COBL: variants seen among roughly 807,000 people sequenced by gnomAD.
COBL encodes the protein protein cordon-bleu.
A neutral mutation model predicts 98.8 loss-of-function variants in COBL; 51 were observed. The observed-to-expected ratio is 0.52, with a 90% CI of 0.41 to 0.65. COBL has a LOEUF of 0.65. COBL is among the 30% of genes least tolerant of loss of function. COBL has a pLI of 0.00. For missense variants in COBL, 1,617 were observed against 1,617.5 expected, an observed-to-expected ratio of 1.00 and a Z score of 0.01; for synonymous variants, 634 against 651.7, an observed-to-expected ratio of 0.97 and a Z score of 0.41.
rs1372296187 is a variant in COBL at position 51,017,155 on chromosome 7, A to G, written c.*396T>C. ...TTCAAAAGATCTTAAATCAGTAAGTAGTTTCATCCATCTGTATGTGGTAAA... is the reference window on the plus strand; with the variant it reads ...TTCAAAAGATCTTAAATCAGTAAGTGGTTTCATCCATCTGTATGTGGTAAA... On this transcript the variant is annotated 3_prime_UTR_variant, in exon 13 of 13. Transcript: ENST00000265136. The G allele has an allele frequency of 2.3e-6, 1 of 440,110 alleles. No homozygotes were observed. Among genetic ancestry groups the G allele is most frequent in the East Asian group, 3.3e-5 (1 of 29,962 alleles). 27.3% of individuals were successfully genotyped at this position (440,110 alleles called of 1,614,324 possible).
At chr7:51,138,563 A>G (rs1799448490) in intron 5 of COBL, among the ~76,000 whole-genome samples, 1 of 152,208 alleles carries the variant, frequency 6.6e-6, no homozygotes, top group Non-Finnish European at 1.5e-5. Context: ...ATCAGTAGTC[A>G]CTTAGCATAT....
intron 1 of COBL, among the ~76,000 whole-genome samples, chr7:51,260,963 A>G (rs1797660420): frequency 6.6e-6 from 1 of 152,090 alleles, no homozygotes; most frequent in Non-Finnish European, 1.5e-5. Context: ...AGGGCATCTC[A>G]TGAACTTTAT....
At chr7:51,292,059 A>C (rs571568546) in intron 1 of COBL, among the ~76,000 whole-genome samples, 4 of 151,728 alleles carry the variant, frequency 2.6e-5, no homozygotes, top group Admixed American at 2.0e-4. Flanking sequence ...GAGCAGGAGA[A>C]TCTCTTGAAC....
chr7:51,039,587 C>T (rs543863232), intron 8 of COBL, among the ~76,000 whole-genome samples: 11 of 152,392 alleles, frequency 7.2e-5, no homozygotes, highest in African/African-American at 1.7e-4. Context: ...ATTCTCTCTA[C>T]GTTCCCAACC....
intron 1 of COBL, among the ~76,000 whole-genome samples, chr7:51,245,527 G>A (rs999052763): frequency 6.6e-6 from 1 of 152,176 alleles, no homozygotes; most frequent in Non-Finnish European, 1.5e-5. Context: ...TGAAGTGTGA[G>A]CTCAACAGGT....
intron 1 of COBL, among the ~76,000 whole-genome samples, chr7:51,232,623 A>C (rs1051702015): frequency 2.2e-4 from 33 of 152,316 alleles, no homozygotes; most frequent in African/African-American, 6.5e-4. Context: ...CATCCTGGCT[A>C]ACACAGTGAA....
At chr7:51,152,415 C>T (rs1230729535) in intron 5 of COBL, among the ~76,000 whole-genome samples, 2 of 152,208 alleles carry the variant, frequency 1.3e-5, no homozygotes, top group East Asian at 1.9e-4. Context: ...TCCCATCCTC[C>T]TAAGCCTCAT....
At chr7:51,194,365 G>A (rs1386473875) in intron 2 of COBL, among the ~76,000 whole-genome samples, 1 of 152,082 alleles carries the variant, frequency 6.6e-6, no homozygotes, top group Non-Finnish European at 1.5e-5. Flanking sequence ...TACTATTGAT[G>A]GGTCTTTAGG....
chr7:51,184,294 T>TA, intron 4 of COBL, 95 bp from the exon 5 acceptor site: 2 of 683,166 alleles, frequency 2.9e-6, no homozygotes, highest in South Asian at 2.3e-5. Context: ...CCTCTACTCT[T>TA]AAACTTTTAG....
intron 1 of COBL, among the ~76,000 whole-genome samples, chr7:51,307,971 G>C (rs1802647562): frequency 1.3e-5 from 2 of 152,164 alleles, no homozygotes; most frequent in African/African-American, 4.8e-5. Flanking sequence ...CGTAATAAGT[G>C]GTTTAGGCAG....
intron 1 of COBL, among the ~76,000 whole-genome samples, chr7:51,223,055 ACT>A (rs1375782664): frequency 2.0e-5 from 3 of 152,100 alleles, no homozygotes; most frequent in African/African-American, 7.2e-5. Flanking sequence ...TACGGTGTGT[ACT>A]CCACCCTTCC....
At chr7:51,264,545 C>A (rs1798009071) in intron 1 of COBL, among the ~76,000 whole-genome samples, 1 of 151,448 alleles carries the variant, frequency 6.6e-6, no homozygotes, top group African/African-American at 2.4e-5. Flanking sequence ...GTGGTGCACA[C>A]CTGTAATCCC....
chr7:51,025,459 T>C (rs2128867559), intron 11 of COBL, 87 bp from the exon 12 acceptor site: 7 of 1,358,948 alleles, frequency 5.2e-6, no homozygotes, highest in South Asian at 4.0e-5. Context: ...GGTAGTGGCA[T>C]GAGGAGATGA....
chr7:51,232,283 A>T (rs1794822547), intron 1 of COBL, among the ~76,000 whole-genome samples: 2 of 152,116 alleles, frequency 1.3e-5, no homozygotes, highest in Non-Finnish European at 2.9e-5. Flanking sequence ...AAAACAATAA[A>T]AAAGGAAAAG....
intron 5 of COBL, among the ~76,000 whole-genome samples, chr7:51,142,516 T>C (rs1464808894): frequency 6.6e-6 from 1 of 151,118 alleles, no homozygotes; most frequent in Non-Finnish European, 1.5e-5. Flanking sequence ...CCTGAGTAAC[T>C]GGGATTACAG....
At chr7:51,157,003 C>T (rs1243429314) in intron 5 of COBL, among the ~76,000 whole-genome samples, 1 of 152,188 alleles carries the variant, frequency 6.6e-6, no homozygotes, top group African/African-American at 2.4e-5. Flanking sequence ...TCTGACTCTA[C>T]CTCCTCGCCA....
At chr7:51,280,946 A>G (rs906017263) in intron 1 of COBL, among the ~76,000 whole-genome samples, 3 of 152,218 alleles carry the variant, frequency 2.0e-5, no homozygotes, top group African/African-American at 7.2e-5. Flanking sequence ...AACATTCTCC[A>G]TAAGCTTTAA....
intron 1 of COBL, among the ~76,000 whole-genome samples, chr7:51,259,011 AGC>A (rs1420829271): frequency 2.0e-5 from 3 of 152,114 alleles, no homozygotes; most frequent in African/African-American, 7.2e-5. Flanking sequence ...ATCTCGGCCG[AGC>A]GCGGTGGCTC....
Position 51,193,437 on chromosome 7 carries a change from A to G in COBL, c.398T>C (p.Phe133Ser), listed in dbSNP as rs1417111346. Residue 133 changes from phenylalanine (F) to serine (S), a missense_variant, in exon 3 of 13, where the codon TTT becomes TCT. Around this residue, in one of 3 missense-constraint regions of COBL, gnomAD observed 238 missense variants for 215.0 expected, o/e 1.11. Transcript: ENST00000265136. ...LIGTLNVHTV[F>S]LKEKVPEEKV... ...CTCTTCAGGAACTTTTTCTTTCAGA[A>G]ACACAGTATGCACATTCAGGGTCCC... The G allele has an allele frequency of 6.2e-7, 1 of 1,614,072 alleles. No individual in the cohort carries two copies. Among genetic ancestry groups the G allele is most frequent in the Non-Finnish European group, 8.5e-7 (1 of 1,180,040 alleles).
Sources: allele counts gnomAD v4.1 joint callset (sites outside exome capture counted in the v4.1 genomes callset), GRCh38; gene constraint gnomAD v4.1.1; regional missense constraint gnomAD v4.1.1; transcripts MANE v1.5; gene names NCBI Gene and HGNC (gene_info 2026-07-23, HGNC 2026-07-21).